TRAK1: variants seen among roughly 807,000 people sequenced by gnomAD.
TRAK1 encodes trafficking kinesin-binding protein 1.
Under a neutral mutation model 92.1 loss-of-function variants are expected in TRAK1, and 33 were observed. The observed-to-expected ratio is 0.36, with a 90% CI of 0.27 to 0.48. TRAK1 has a LOEUF of 0.48. Among genes scored for constraint, TRAK1 ranks in the 20% least tolerant of loss-of-function variants. The pLI, the probability that TRAK1 is intolerant of heterozygous loss-of-function variation, is 0.99. For missense variants in TRAK1, 1,123 were observed against 1,257.9 expected, an observed-to-expected ratio of 0.89 and a Z score of 1.62; for synonymous variants, 521 against 517.3, an observed-to-expected ratio of 1.01 and a Z score of -0.10.
At chr3:42,081,887 C>T (rs574507171) in intron 1 of TRAK1, among the ~76,000 whole-genome samples, 4 of 152,094 alleles carry the variant, frequency 2.6e-5, no homozygotes, top group Admixed American at 1.3e-4. Flanking sequence ...TGTTTTTCTA[C>T]GAATAGAAAT....
At chr3:42,188,216 A>G in intron 5 of TRAK1, 71 bp downstream of exon 5, 11 of 1,454,232 alleles carry the variant, frequency 7.6e-6, no homozygotes, top group African/African-American at 1.4e-5. Flanking sequence ...CCTTGGAGTC[A>G]CCTAGACAGG....
chr3:42,097,523 G>C lies in TRAK1; in HGVS notation c.91+5963G>C, dbSNP rs148075124. The stretch of plus-strand genomic sequence containing the variant: ...CTTGATTTACGTTCCTCAGTGTGTA[G>C]AGGCTGAGCATTTTCGGTATTTCCT... On this transcript the variant is annotated intron_variant, in intron 1 of 15. Transcript: ENST00000327628. Among the ~76,000 whole-genome samples the C allele has an allele frequency of 1.9e-4, 29 of 152,334 alleles. No individual in the cohort carries two copies. In the East Asian group the frequency reaches 5.4e-3, roughly 28 times the overall value.
intron 1 of TRAK1, among the ~76,000 whole-genome samples, chr3:42,072,107 G>C (rs552873216): frequency 6.6e-6 from 1 of 152,300 alleles, no homozygotes; most frequent in South Asian, 2.1e-4. Context: ...GGCTGGCGTC[G>C]TGCCCCTTGG....
upstream of TRAK1, among the ~76,000 whole-genome samples, chr3:42,085,357 T>A (rs1444085780): frequency 6.6e-6 from 1 of 152,088 alleles, no homozygotes; most frequent in Non-Finnish European, 1.5e-5. Context: ...TTAGCAGAGA[T>A]GGGGTTTCAC....
At chr3:42,149,659 TG>T (rs1237206625) in intron 2 of TRAK1, 2 of 1,534,292 alleles carry the variant, frequency 1.3e-6, no homozygotes, top group South Asian at 1.2e-5. Context: ...TCCTTCTGGG[TG>T]GGGGGTGTCC....
At chr3:42,078,573 G>A (rs1162624409) in intron 1 of TRAK1, among the ~76,000 whole-genome samples, 1 of 151,870 alleles carries the variant, frequency 6.6e-6, no homozygotes, top group Non-Finnish European at 1.5e-5. Flanking sequence ...CTAACACAGT[G>A]AAACCCCATC....
chr3:42,083,868 C>T (rs1186787509), upstream of TRAK1, among the ~76,000 whole-genome samples: 1 of 151,632 alleles, frequency 6.6e-6, no homozygotes, highest in Non-Finnish European at 1.5e-5. Context: ...GAGACCCTGT[C>T]TTTAAAAAAA....
At chr3:42,130,462 G>A (rs1209180980) in intron 2 of TRAK1, among the ~76,000 whole-genome samples, 1 of 152,172 alleles carries the variant, frequency 6.6e-6, no homozygotes, top group African/African-American at 2.4e-5. Flanking sequence ...TGCTTTTACT[G>A]TAAAGTAATA....
At chr3:42,053,479 C>G (rs1435447404) in intron 1 of TRAK1, among the ~76,000 whole-genome samples, 1 of 151,258 alleles carries the variant, frequency 6.6e-6, no homozygotes, top group African/African-American at 2.4e-5. Flanking sequence ...CTTGGGGGAG[C>G]TGGGGATACT....
chr3:42,184,046 G>A (rs573764410), intron 3 of TRAK1, among the ~76,000 whole-genome samples: 6 of 152,252 alleles, frequency 3.9e-5, no homozygotes, highest in East Asian at 1.9e-4. Context: ...TAACGTCTCC[G>A]TTTTGAAAGT....
intron 2 of TRAK1, among the ~76,000 whole-genome samples, chr3:42,174,660 T>C (rs898899947): frequency 8.1e-5 from 12 of 148,890 alleles, no homozygotes; most frequent in African/African-American, 2.0e-4. Context: ...TATATATATA[T>C]ACACACAAAA....
intron 1 of TRAK1, among the ~76,000 whole-genome samples, chr3:42,097,534 T>C (rs7616148): frequency 0.028 from 4,192 of 152,300 alleles, 221 homozygotes; most frequent in African/African-American, 0.096. Flanking sequence ...AGGCTGAGCA[T>C]TTTCGGTATT....
At chr3:42,175,753 A>T (rs1703131126) in intron 2 of TRAK1, among the ~76,000 whole-genome samples, 1 of 152,206 alleles carries the variant, frequency 6.6e-6, no homozygotes, top group Non-Finnish European at 1.5e-5. Flanking sequence ...TGACTTAGTA[A>T]TACACTTCAA....
At chr3:42,215,088 T>G (rs959042978) in intron 14 of TRAK1, among the ~76,000 whole-genome samples, 19 of 152,210 alleles carry the variant, frequency 1.2e-4, no homozygotes, top group Admixed American at 1.0e-3. Context: ...GGCAAACTAT[T>G]TATGCAGCTT....
intron 2 of TRAK1, among the ~76,000 whole-genome samples, chr3:42,159,493 A>G (rs1037913964): frequency 3.3e-5 from 5 of 152,338 alleles, no homozygotes; most frequent in Admixed American, 2.6e-4. Flanking sequence ...CAAGGTGTGC[A>G]ATTAAACTGT....
chr3:42,108,126 T>G (rs1707843613), intron 1 of TRAK1, among the ~76,000 whole-genome samples: 1 of 152,068 alleles, frequency 6.6e-6, no homozygotes, highest in Non-Finnish European at 1.5e-5. Context: ...GGCTCAGAGC[T>G]TTGATACTAA....
In TRAK1 at chr3:42,060,216, A is replaced by G. The variant is rs562381095; in HGVS notation, c.-518-26888A>G. Among the ~76,000 whole-genome samples, 6 of 152,124 alleles carry G rather than the reference A, an allele frequency of 3.9e-5. No homozygotes were observed. The East Asian group carries it at 1.2e-3, about 29-fold the overall frequency. ...AGAGAGGGGAAATAAACAAATGAGT[A>G]TATTGTAGTGTATCAGAAGGAATAG... On this transcript the variant is annotated intron_variant, in intron 1 of 16. Coordinates refer to the TRAK1 transcript ENST00000487159.
chr3:42,019,626 A>G (rs1701658813), intron 1 of TRAK1, among the ~76,000 whole-genome samples: 1 of 152,066 alleles, frequency 6.6e-6, no homozygotes, highest in South Asian at 2.1e-4. Flanking sequence ...TTATGCTAAC[A>G]TTCTGTAAGC....
chr3:42,197,002 T>TCACACACACACA (rs773977076), intron 10 of TRAK1, among the ~76,000 whole-genome samples: 5 of 103,528 alleles, frequency 4.8e-5, no homozygotes, highest in Admixed American at 1.1e-4. Flanking sequence ...TCTCTCTCTC[T>TCACACACACACA]CACACACACA....
Sources: allele counts gnomAD v4.1 joint callset (sites outside exome capture counted in the v4.1 genomes callset), GRCh38; gene constraint gnomAD v4.1.1; transcripts MANE v1.5; gene names NCBI Gene and HGNC (gene_info 2026-07-23, HGNC 2026-07-21).